PIK3C2B: variants seen among roughly 807,000 people sequenced by gnomAD.
The protein encoded by PIK3C2B is phosphatidylinositol 4-phosphate 3-kinase C2 domain-containing subunit beta.
Under a neutral mutation model 184.3 loss-of-function variants are expected in PIK3C2B, and 83 were observed. The ratio of observed to expected loss-of-function variants is 0.45; its 90% CI spans 0.38 to 0.54. The LOEUF (loss-of-function observed/expected upper bound fraction) is 0.54, where lower values mean the gene tolerates loss of function less well. Among genes scored for constraint, PIK3C2B ranks in the 20% least tolerant of loss-of-function variants. The probability of loss-of-function intolerance (pLI) is 0.00; values close to 1 mark genes in which losing one functional copy is unlikely to be tolerated. For missense variants in PIK3C2B, 1,736 were observed against 2,113.5 expected (o/e 0.82, Z 3.50); for synonymous variants, 779 against 837.6 (o/e 0.93, Z 1.21).
intron 1 of PIK3C2B, among the ~76,000 whole-genome samples, chr1:204,484,946 G>A (rs758034082): frequency 5.3e-5 from 8 of 152,140 alleles, no homozygotes; most frequent in Non-Finnish European, 1.0e-4. Flanking sequence ...CATATAGCTG[G>A]TCAGTGATAG....
chr1:204,459,735 G>A lies in PIK3C2B; in HGVS notation c.1566+143C>T, dbSNP rs534605173. On this transcript the variant is annotated intron_variant, in intron 8 of 32. Transcript: ENST00000684373. ...TAGTAGTCTTAGTTTGCCCATGAGC[G>A]AGGGGTTAAAAAGAAGTGCTCTGCC... 1.1e-3 allele frequency: 768 copies of A among 693,676 alleles called. 4 individuals carry two copies. Among genetic ancestry groups the A allele is most frequent in the African/African-American group, 0.011 (593 of 56,450 alleles). The allele number at this position is 693,676 out of a possible 1,614,324, so 43.0% of individuals were successfully genotyped here. A position where few individuals can be genotyped will look rare whatever the true frequency, so the allele number is the denominator to read the frequency against.
chr1:204,463,310 A>G (rs1209295917), intron 5 of PIK3C2B, among the ~76,000 whole-genome samples: 2 of 152,166 alleles, frequency 1.3e-5, no homozygotes, highest in South Asian at 2.1e-4. Context: ...AGGAAAGCAG[A>G]TCTTATCTGT....
intron 2 of PIK3C2B, among the ~76,000 whole-genome samples, chr1:204,465,528 A>G (rs1296492501): frequency 6.6e-6 from 1 of 152,242 alleles, no homozygotes; most frequent in African/African-American, 2.4e-5. Context: ...GAAGGAGGCG[A>G]AGCTCTGGCT....
At chr1:204,460,050 G>A (rs1440783943) in intron 7 of PIK3C2B, 109 bp from the exon 8 acceptor site, 76 of 851,690 alleles carry the variant, frequency 8.9e-5, no homozygotes, top group Non-Finnish European at 1.4e-4. Context: ...TGATTTAAAG[G>A]AGTTCCCACT....
intron 12 of PIK3C2B, among the ~76,000 whole-genome samples, chr1:204,453,961 G>A (rs1654594511): frequency 6.6e-6 from 1 of 151,648 alleles, no homozygotes; most frequent in African/African-American, 2.4e-5. Flanking sequence ...TTTTAGTAGA[G>A]ACGAGGTTTC....
intron 1 of PIK3C2B, among the ~76,000 whole-genome samples, chr1:204,476,097 G>A (rs937379631): frequency 6.6e-6 from 1 of 152,178 alleles, no homozygotes; most frequent in African/African-American, 2.4e-5. Flanking sequence ...GGAAACACAG[G>A]AGCAACCAGT....
chr1:204,443,588 C>G lies in PIK3C2B; in HGVS notation c.2877G>C (p.Lys959Asn). 1 of 1,614,158 alleles carries G rather than the reference C, an allele frequency of 6.2e-7. No homozygotes were observed. The highest frequency in any genetic ancestry group is 1.1e-5 in the South Asian group (1 of 91,086). The change falls in exon 19 of 33, where the codon AAG (lysine) becomes AAC (asparagine). Residue 959 changes from lysine to asparagine, a missense_variant. Coordinates refer to ENST00000684373, the MANE Select transcript of PIK3C2B (RefSeq NM_001377334.1). Reference protein sequence around the residue: ...RVTHYFFWLLKDGLKDSQFSI... With the variant: ...RVTHYFFWLLNDGLKDSQFSI... ...TGAACTGAGAGTCCTTGAGGCCGTC[C>G]TTCAGTAACCTGCAAGGCAGAGGGA... is the stretch of plus-strand genomic sequence containing the variant.
Position 204,428,229 on chromosome 1 carries a change from G to C in PIK3C2B, c.4399-9C>G, listed in dbSNP as rs1166243261. On this transcript the variant is annotated splice_polypyrimidine_tract_variant and intron_variant, in intron 29 of 32. Transcript: ENST00000684373. Reference sequence around the variant, plus strand: ...GTGTACACCAAATCACACTGGAACAGAATCAGAAACAGGGCCATTCTTCAA... The same window carrying C: ...GTGTACACCAAATCACACTGGAACACAATCAGAAACAGGGCCATTCTTCAA... 6.3e-7 allele frequency: 1 copy of C among 1,590,898 alleles called. No homozygotes were observed. Among genetic ancestry groups the C allele is most frequent in the Non-Finnish European group, 8.6e-7 (1 of 1,159,262 alleles).
At chr1:204,490,302 C>T (rs1405210565) in intron 1 of PIK3C2B, 3 of 187,970 alleles carry the variant, frequency 1.6e-5, no homozygotes, top group Middle Eastern at 2.1e-3. Context: ...TTCTCTATAC[C>T]CTGAGGGCCT....
chr1:204,475,663 A>G (rs963232054), intron 1 of PIK3C2B, among the ~76,000 whole-genome samples: 1 of 152,156 alleles, frequency 6.6e-6, no homozygotes, highest in Admixed American at 6.6e-5. Context: ...GGATTCCTTG[A>G]TTCCAACCTA....
chr1:204,453,259 TAGCACAGATGA>T (rs1383830759), intron 12 of PIK3C2B, among the ~76,000 whole-genome samples: 1 of 152,082 alleles, frequency 6.6e-6, no homozygotes, highest in African/African-American at 2.4e-5. Flanking sequence ...AGGTAGAGCA[TAGCACAGATGA>T]AGCACAGGGC....
intron 8 of PIK3C2B, 29 bp from the exon 9 acceptor site, chr1:204,457,903 A>G (rs2103500650): frequency 1.2e-6 from 2 of 1,607,506 alleles, no homozygotes; most frequent in African/African-American, 2.7e-5. Flanking sequence ...TGAGGCTGGC[A>G]GGCTCTGCTC....
At chr1:204,441,121 T>C (rs1164786610) in intron 21 of PIK3C2B, among the ~76,000 whole-genome samples, 3 of 152,198 alleles carry the variant, frequency 2.0e-5, no homozygotes, top group Non-Finnish European at 2.9e-5. Context: ...ACCTGATATA[T>C]TAATTTCCTC....
At chr1:204,438,318 G>A (rs143914162) in intron 23 of PIK3C2B, among the ~76,000 whole-genome samples, 19 of 152,204 alleles carry the variant, frequency 1.2e-4, no homozygotes, top group African/African-American at 3.9e-4. Flanking sequence ...AACAGGCCAC[G>A]GACCCTAGCA....
At chr1:204,485,274 T>G (rs1254822818) in intron 1 of PIK3C2B, among the ~76,000 whole-genome samples, 1 of 152,122 alleles carries the variant, frequency 6.6e-6, no homozygotes, top group Non-Finnish European at 1.5e-5. Flanking sequence ...TGTTCTAATC[T>G]CTCTTAAATT....
At position 204,444,133 on chromosome 1, in the gene PIK3C2B, G is replaced by T; in HGVS notation, c.2802C>A (p.Ser934Arg). ...GTTTCAGGAGGAAGCGCACCAACGG[G>T]CTGTCCAGGTAGCATTCATACTTCA... ...QALKYECYLD[S>R]PLVRFLLKRA... The change falls in exon 18 of 33, where the codon AGC becomes AGA. Residue 934 changes from serine (S) to arginine (R), a missense_variant. Physicochemically the swap from Ser to Arg is moderately radical, Grantham distance 110 (BLOSUM62 -1). This residue lies in a region of PIK3C2B where 289 missense variants were observed against 380.4 expected (regional missense o/e 0.76). Coordinates refer to ENST00000684373, the MANE Select transcript of PIK3C2B (RefSeq NM_001377334.1). 1.2e-6 allele frequency: 2 copies of T among 1,613,612 alleles called. No homozygotes were observed. The highest frequency in any genetic ancestry group is 1.7e-6 in the Non-Finnish European group (2 of 1,179,488).
chr1:204,494,194 C>T (rs1159333441), intron 1 of PIK3C2B, among the ~76,000 whole-genome samples, 162 bp downstream of exon 1: 1 of 152,188 alleles, frequency 6.6e-6, no homozygotes, highest in East Asian at 1.9e-4. Context: ...GCTCCCACGG[C>T]GTCCGCCGCT....
chr1:204,460,951 TG>T (rs1372696730), intron 5 of PIK3C2B, among the ~76,000 whole-genome samples: 1 of 152,188 alleles, frequency 6.6e-6, no homozygotes, highest in Non-Finnish European at 1.5e-5. Context: ...ACTCCAGGGC[TG>T]GGAACTGTTG....
intron 1 of PIK3C2B, among the ~76,000 whole-genome samples, chr1:204,475,312 A>G (rs1377161104): frequency 6.6e-6 from 1 of 152,148 alleles, no homozygotes; most frequent in Non-Finnish European, 1.5e-5. Context: ...CCAATTTGCT[A>G]TTTGCTATTG....
Sources: allele counts gnomAD v4.1 joint callset (sites outside exome capture counted in the v4.1 genomes callset), GRCh38; gene constraint gnomAD v4.1.1; regional missense constraint gnomAD v4.1.1; transcripts MANE v1.5; gene names NCBI Gene and HGNC (gene_info 2026-07-23, HGNC 2026-07-21).